The following NOC3L variants were observed in gnomAD, a reference collection of about 807,000 sequenced individuals.
NOC3L encodes NOC3 like DNA replication regulator, also known as nucleolar complex protein 3 homolog.
In NOC3L, 85 loss-of-function variants were observed where a neutral mutation model predicts 102.5. The ratio of observed to expected loss-of-function variants is 0.83; its 90% CI spans 0.70 to 0.99. The LOEUF (loss-of-function observed/expected upper bound fraction) is 0.99. Ranked by LOEUF, NOC3L falls within the 50% of genes least tolerant of loss-of-function variation. The pLI is 0.00. For synonymous variants in NOC3L, 303 were observed against 309.4 expected (o/e 0.98, Z 0.22); for missense variants, 878 against 914.9 (o/e 0.96, Z 0.52).
the NOC3L span, chr10:94,324,392 C>G: frequency 6.2e-7 from 1 of 1,614,094 alleles, no homozygotes; most frequent in Non-Finnish European, 8.5e-7. Flanking sequence ...CTGAGCAACC[C>G]CAATCCAAGC....
downstream of NOC3L, chr10:94,328,556 G>C (rs1397532305): frequency 2.0e-5 from 3 of 152,214 alleles, no homozygotes; most frequent in Non-Finnish European, 4.4e-5. Context: ...ACTAAGAGAA[G>C]AGAACTGGGA....
At chr10:94,330,018 A>AT (rs1185969318), downstream of NOC3L, 1 of 152,222 alleles carries the variant, frequency 6.6e-6, no homozygotes, top group Non-Finnish European at 1.5e-5. Flanking sequence ...TCAAGCCTCT[A>AT]TAAGTGAACA....
intron 16 of NOC3L, 107 bp downstream of exon 16, chr10:94,340,168 AC>A: frequency 1.0e-6 from 1 of 961,598 alleles, no homozygotes; most frequent in Non-Finnish European, 1.6e-6. Flanking sequence ...CTGGAAAGTC[AC>A]CATTTTATGT....
At chr10:94,318,273 C>G in the NOC3L span, among the ~76,000 whole-genome samples, 1 of 152,204 alleles carries the variant, frequency 6.6e-6, no homozygotes, top group Non-Finnish European at 1.5e-5. Context: ...TATCAGAGGG[C>G]TTAGCTGTAC....
intron 3 of NOC3L, 61 bp from the exon 4 acceptor site, chr10:94,357,392 C>G: frequency 7.2e-7 from 1 of 1,380,438 alleles, no homozygotes; most frequent in Non-Finnish European, 9.5e-7. Flanking sequence ...ATCTAGAGAC[C>G]TATCATTTCA....
In NOC3L at chr10:94,349,336, G is replaced by A; in HGVS notation, c.1171C>T (p.Gln391Ter). 1 of 1,581,416 alleles carries A rather than the reference G, an allele frequency of 6.3e-7. No individual in the cohort carries two copies. Among genetic ancestry groups the A allele is most frequent in the Non-Finnish European group, 8.5e-7 (1 of 1,171,298 alleles). ...AGAGAAGCTTGGCCTAATTTATCTT[G>A]CTTAAAGAGTTTCTTCACAGCTTCA... Reference protein sequence around the residue: ...CCEAVKKLFKQDKLGQASLGV... With the variant: ...CCEAVKKLFK The change falls in exon 10 of 21, where the codon CAA becomes TAA. Residue 391 changes from glutamine to a stop codon, truncating the protein, a stop_gained. Coordinates refer to ENST00000371361, the MANE Select transcript of NOC3L (RefSeq NM_022451.11). LOFTEE classifies it high-confidence loss of function.
intron 13 of NOC3L, 54 bp from the exon 14 acceptor site, chr10:94,341,799 T>C (rs1196583533): frequency 3.8e-6 from 4 of 1,055,092 alleles, no homozygotes; most frequent in Non-Finnish European, 4.2e-6. Context: ...ATAAAGCTGG[T>C]AGAAATTAAG....
chr10:94,328,871 C>T (rs534745140), downstream of NOC3L: 37 of 152,032 alleles, frequency 2.4e-4, no homozygotes, highest in South Asian at 6.9e-3. Context: ...TTTTGGTTTT[C>T]AAAATGAATT....
chr10:94,356,326 G>A (rs2054483564), intron 5 of NOC3L, among the ~76,000 whole-genome samples: 1 of 152,128 alleles, frequency 6.6e-6, no homozygotes, highest in Non-Finnish European at 1.5e-5. Context: ...AAATATGATT[G>A]TGTAAATTTT....
chr10:94,349,450 T>G (rs1203179758), intron 9 of NOC3L, 72 bp from the exon 10 acceptor site: 2 of 1,392,592 alleles, frequency 1.4e-6, no homozygotes, highest in African/African-American at 3.0e-5. Flanking sequence ...GGTAACAGAA[T>G]TCTTTGTTGT....
downstream of NOC3L, chr10:94,332,074 T>A (rs1244811551): frequency 6.6e-6 from 1 of 152,072 alleles, no homozygotes; most frequent in African/African-American, 2.4e-5. Context: ...TTTCACTATG[T>A]TGGTAAGGCT....
chr10:94,316,780 A>C, the NOC3L span: 2 of 1,538,700 alleles, frequency 1.3e-6, no homozygotes, highest in Admixed American at 1.7e-5. Context: ...GGTGCAGCCT[A>C]CACAGTAACG....
intron 10 of NOC3L, among the ~76,000 whole-genome samples, chr10:94,348,443 T>C (rs1456936434): frequency 1.3e-5 from 2 of 151,968 alleles, no homozygotes; most frequent in South Asian, 2.1e-4. Context: ...CACAAACAGA[T>C]AGTTTCGTTT....
At chr10:94,348,430 C>T (rs1262253453) in intron 10 of NOC3L, among the ~76,000 whole-genome samples, 5 of 151,878 alleles carry the variant, frequency 3.3e-5, no homozygotes. Flanking sequence ...GTAATGCAAG[C>T]TCCACAAACA....
At chr10:94,319,388 A>ATAAG in the NOC3L span, among the ~76,000 whole-genome samples, 2 of 152,360 alleles carry the variant, frequency 1.3e-5, no homozygotes, top group East Asian at 3.9e-4. Context: ...GATTTGGGCT[A>ATAAG]TAAGTATTTC....
At chr10:94,346,195 G>A (rs2054341094) in intron 11 of NOC3L, among the ~76,000 whole-genome samples, 1 of 152,096 alleles carries the variant, frequency 6.6e-6, no homozygotes, top group Non-Finnish European at 1.5e-5. Flanking sequence ...AAGCCAGCAT[G>A]GCAAAAATAT....
chr10:94,335,776 G>C (rs571663670), intron 19 of NOC3L, among the ~76,000 whole-genome samples: 1 of 152,070 alleles, frequency 6.6e-6, no homozygotes, highest in Non-Finnish European at 1.5e-5. Flanking sequence ...AATCGGCCTG[G>C]CCCACAGGTC....
At chr10:94,357,633 G>C (rs1314048676) in intron 3 of NOC3L, 1 of 238,640 alleles carries the variant, frequency 4.2e-6, no homozygotes, top group Non-Finnish European at 7.9e-6. Context: ...AACCAAGTGT[G>C]ACTCTTACTT....
the NOC3L span, chr10:94,316,621 TAAAGA>T: frequency 3.1e-6 from 5 of 1,608,172 alleles, no homozygotes; most frequent in Non-Finnish European, 4.3e-6. Flanking sequence ...ATTTTATATC[TAAAGA>T]AAAGAATGAA....
Sources: allele counts gnomAD v4.1 joint callset (sites outside exome capture counted in the v4.1 genomes callset), GRCh38; gene constraint gnomAD v4.1.1; transcripts MANE v1.5; gene names NCBI Gene and HGNC (gene_info 2026-07-23, HGNC 2026-07-21).